Variants in FBXW8 observed in about 807,000 individuals in gnomAD.
FBXW8 encodes the protein F-box and WD repeat domain containing 8.
FBXW8 carries 57 observed loss-of-function variants against 65.3 expected under a neutral mutation model. The ratio of observed to expected loss-of-function variants is 0.87; its 90% CI spans 0.71 to 1.09. FBXW8 has a LOEUF of 1.09. FBXW8 is among the 50% of genes least tolerant of loss of function. FBXW8 has a pLI of 0.00. For missense variants in FBXW8, 777 were observed against 814.8 expected, an observed-to-expected ratio of 0.95 and a Z score of 0.57; for synonymous variants, 308 against 330.2, an observed-to-expected ratio of 0.93 and a Z score of 0.73.
chr12:116,999,510 T>C (rs908689960), intron 7 of FBXW8, among the ~76,000 whole-genome samples: 1 of 152,176 alleles, frequency 6.6e-6, no homozygotes, highest in Non-Finnish European at 1.5e-5. Context: ...GAAAATGACA[T>C]GAAAATAATC....
rs535771786 is a variant in FBXW8 at position 116,942,183 on chromosome 12, C to T, written c.424-3181C>T. On this transcript the variant is annotated intron_variant, in intron 2 of 10. Coordinates refer to ENST00000652555, the MANE Select transcript of FBXW8 (RefSeq NM_153348.3). ...AGCTGGGACTACAGGCACACACCAT[C>T]ACATCTGGCTAATTTTTTTTTTTTT... Among the ~76,000 whole-genome samples the T allele has an allele frequency of 1.3e-3, 201 of 151,516 alleles. 2 individuals carry two copies. The highest frequency in any genetic ancestry group is 3.0e-3 in the Admixed American group (45 of 15,230).
chr12:116,924,449 G>T (rs1168678582), intron 1 of FBXW8, among the ~76,000 whole-genome samples: 1 of 152,056 alleles, frequency 6.6e-6, no homozygotes, highest in African/African-American at 2.4e-5. Flanking sequence ...TGTTCTTCTA[G>T]CTATTTGAAA....
rs1463818137 is a variant in FBXW8 at position 116,964,741 on chromosome 12, A to G, written c.722A>G (p.Asp241Gly). ...DVRVWDTRTW[D>G]YVAPFLESED... Reference sequence around the variant, plus strand: ...AGAGTGTGGGACACCCGCACCTGGGACTACGTAGCCCCCTTCCTGGAATCA... The same window carrying G: ...AGAGTGTGGGACACCCGCACCTGGGGCTACGTAGCCCCCTTCCTGGAATCA... The change falls in exon 5 of 11, where the codon GAC becomes GGC. Residue 241 changes from aspartate (D) to glycine (G), a missense_variant. Transcript: ENST00000652555. 6.2e-7 allele frequency: 1 copy of G among 1,613,736 alleles called. No homozygotes were observed.
chr12:117,019,612 G>C (rs552406050), intron 8 of FBXW8, among the ~76,000 whole-genome samples: 1 of 152,326 alleles, frequency 6.6e-6, no homozygotes, highest in South Asian at 2.1e-4. Context: ...ATAGATGAAA[G>C]TATTATTTTT....
chr12:116,992,502 A>G (rs533213448), intron 7 of FBXW8, among the ~76,000 whole-genome samples: 108 of 151,294 alleles, frequency 7.1e-4, no homozygotes, highest in Non-Finnish European at 7.4e-4. Flanking sequence ...TGAACTGTAT[A>G]GTGGGGAAGC....
At chr12:116,960,417 A>G (rs546434146) in intron 4 of FBXW8, among the ~76,000 whole-genome samples, 41 of 152,298 alleles carry the variant, frequency 2.7e-4, no homozygotes, top group African/African-American at 9.4e-4. Context: ...AGAGGCTTTT[A>G]TATTTTACCT....
At chr12:117,006,047 T>G (rs151024377) in intron 7 of FBXW8, among the ~76,000 whole-genome samples, 8 of 152,310 alleles carry the variant, frequency 5.3e-5, no homozygotes, top group Admixed American at 1.3e-4. Flanking sequence ...TATTGTCTTG[T>G]AAGGAAGCCT....
chr12:116,954,290 T>C (rs1409598706), intron 4 of FBXW8, among the ~76,000 whole-genome samples: 2 of 152,186 alleles, frequency 1.3e-5, no homozygotes, highest in Admixed American at 1.3e-4. Context: ...TGTTTTTTCA[T>C]AGTGTGACTG....
intron 7 of FBXW8, among the ~76,000 whole-genome samples, 180 bp from the exon 8 acceptor site, chr12:117,010,143 C>T (rs1203911232): frequency 6.6e-6 from 1 of 152,212 alleles, no homozygotes; most frequent in African/African-American, 2.4e-5. Context: ...TTTTGGCACT[C>T]TTAATAGCCA....
Position 117,027,465 on chromosome 12 carries a change from T to C in FBXW8, c.1613T>C (p.Met538Thr), listed in dbSNP as rs1954260140. Residue 538 changes from methionine to threonine, a missense_variant, in exon 10 of 11, where the codon ATG becomes ACG. Physicochemically the swap from Met to Thr is moderately conservative, Grantham distance 81 (BLOSUM62 -1). Transcript: ENST00000652555. ...GCCAACGTGCCTTACCAGACGGTAA[T>C]GCGAAACGCCGACCTGGACAGCTTC... ...ITANVPYQTV[M>T]RNADLDSFTT... 6.2e-7 allele frequency: 1 copy of C among 1,614,016 alleles called. No individual in the cohort carries two copies.
Position 116,949,707 on chromosome 12 carries a change from G to A in FBXW8, c.677+1G>A. The A allele has an allele frequency of 1.9e-6, 3 of 1,614,090 alleles. No individual in the cohort carries two copies. The highest frequency in any genetic ancestry group is 2.5e-6 in the Non-Finnish European group (3 of 1,179,938). ...CTCACGATGGTGTGGTCATTGCGGG[G>A]TAAGCCAAACCGTTTCCACTGAGTG... On this transcript the variant is annotated splice_donor_variant, in intron 4 of 10. Transcript: ENST00000652555. LOFTEE classifies it high-confidence loss of function.
At chr12:116,919,605 G>C (rs989961309) in intron 1 of FBXW8, among the ~76,000 whole-genome samples, 12 of 152,148 alleles carry the variant, frequency 7.9e-5, no homozygotes, top group Admixed American at 3.9e-4. Context: ...TCCGCCTCTT[G>C]TGAATCCCTG....
intron 5 of FBXW8, among the ~76,000 whole-genome samples, chr12:116,966,900 C>T (rs548488682): frequency 6.6e-6 from 1 of 151,948 alleles, no homozygotes; most frequent in African/African-American, 2.4e-5. Context: ...TGTATTTTTA[C>T]TAGAGACGGG....
intron 1 of FBXW8, among the ~76,000 whole-genome samples, chr12:116,920,858 T>A (rs1880842728): frequency 6.6e-6 from 1 of 152,228 alleles, no homozygotes. Flanking sequence ...ACATCTTTAC[T>A]CTTTTCACAA....
chr12:116,985,175 A>G, intron 5 of FBXW8, 31 bp from the exon 6 acceptor site: 1 of 1,537,394 alleles, frequency 6.5e-7, no homozygotes, highest in Non-Finnish European at 8.7e-7. Flanking sequence ...TAAATTTAAA[A>G]TTGTTACCTG....
intron 9 of FBXW8, 138 bp from the exon 10 acceptor site, chr12:117,027,256 G>A (rs1954253691): frequency 1.5e-6 from 1 of 677,898 alleles, no homozygotes. Context: ...CTTCCATGGG[G>A]GCCCTGTTCC....
chr12:116,985,618 C>G, intron 6 of FBXW8: 1 of 500,312 alleles, frequency 2.0e-6, no homozygotes, highest in Non-Finnish European at 3.5e-6. Flanking sequence ...AACTGACTTG[C>G]CCCAGTTCTC....
intron 5 of FBXW8, among the ~76,000 whole-genome samples, chr12:116,974,900 T>C (rs1430653828): frequency 1.3e-5 from 2 of 152,110 alleles, no homozygotes; most frequent in African/African-American, 4.8e-5. Flanking sequence ...TAAGGATGTT[T>C]AAAATAAATA....
intron 7 of FBXW8, among the ~76,000 whole-genome samples, chr12:117,009,424 G>A (rs766060034): frequency 5.9e-5 from 9 of 151,944 alleles, no homozygotes; most frequent in African/African-American, 2.2e-4. Context: ...AAACTTCTGA[G>A]TTCATTAATT....
Sources: gnomAD v4.1 joint callset for allele counts (sites outside exome capture counted in the v4.1 genomes callset) on GRCh38, gnomAD v4.1.1 for gene constraint, MANE v1.5 for transcripts, NCBI Gene and HGNC (gene_info 2026-07-23, HGNC 2026-07-21) for gene names.